The following SRPX2 variants were observed in gnomAD, a reference collection of about 807,000 sequenced individuals.
The protein encoded by SRPX2 is sushi repeat-containing protein SRPX2.
Under a neutral mutation model 45.3 loss-of-function variants are expected in SRPX2, and 26 were observed. The observed-to-expected ratio is 0.57, with a 90% CI of 0.42 to 0.80. SRPX2 has a LOEUF of 0.80. Ranked by LOEUF, SRPX2 falls within the 30% of genes least tolerant of loss-of-function variation. The probability of loss-of-function intolerance (pLI) is 0.00; values close to 1 mark genes in which losing one functional copy is unlikely to be tolerated. For synonymous variants in SRPX2, 125 were observed against 143.7 expected (o/e 0.87, Z 0.93); for missense variants, 355 against 399.8 (o/e 0.89, Z 0.95).
chrX:100,644,460 G>A lies in SRPX2; in HGVS notation c.-186G>A, dbSNP rs973612128. 9.0e-6 allele frequency: 1 copy of A among 111,507 alleles called. No individual in the cohort carries two copies. Among genetic ancestry groups the A allele is most frequent in the African/African-American group, 3.3e-5 (1 of 30,565 alleles). The allele number at this position is 111,507 out of a possible 1,213,427, so 9.2% of individuals were successfully genotyped here. A position where few individuals can be genotyped will look rare whatever the true frequency, so the allele number is the denominator to read the frequency against. On this transcript the variant is annotated 5_prime_UTR_variant, in exon 1 of 11. Coordinates refer to ENST00000373004, the MANE Select transcript of SRPX2 (RefSeq NM_014467.3). Reference sequence around the variant, plus strand: ...TTTTTTCCAATTGATGAGAGGAGCAGAGAGGAAGGAGAAAGAGGAGGAGAG... The same window carrying A: ...TTTTTTCCAATTGATGAGAGGAGCAAAGAGGAAGGAGAAAGAGGAGGAGAG...
intron 3 of SRPX2, among the ~76,000 whole-genome samples, chrX:100,652,839 C>T (rs1452773964): frequency 9.0e-6 from 1 of 111,045 alleles, no homozygotes; most frequent in Admixed American, 9.6e-5. Context: ...TGGTGCATAC[C>T]CACTGCCTCT....
intron 3 of SRPX2, among the ~76,000 whole-genome samples, chrX:100,660,784 C>T (rs1047369631): frequency 9.1e-6 from 1 of 109,348 alleles, no homozygotes; most frequent in South Asian, 4.0e-4. Flanking sequence ...TGGAGGTTGC[C>T]GTGAGCCGAG....
In SRPX2 at chrX:100,665,138, C is replaced by G; in HGVS notation, c.533-105C>G. 4.4e-6 allele frequency: 5 copies of G among 1,144,556 alleles called. No homozygotes were observed. In the East Asian group the frequency reaches 1.6e-4, roughly 36 times the overall value. The allele number at this position is 1,144,556 out of a possible 1,213,427, so 94.3% of individuals were successfully genotyped here. A position where few individuals can be genotyped will look rare whatever the true frequency, so the allele number is the denominator to read the frequency against. The stretch of plus-strand genomic sequence containing the variant: ...TTCCTTCCCCAGTTTCCTTGAGCAC[C>G]TTGAACTTTTTATCTACCCAGTGGT... On this transcript the variant is annotated intron_variant, in intron 5 of 10. Coordinates refer to ENST00000373004, the MANE Select transcript of SRPX2 (RefSeq NM_014467.3).
intron 1 of SRPX2, 45 bp from the exon 2 acceptor site, chrX:100,646,148 A>G (rs762930338): frequency 2.1e-5 from 10 of 470,324 alleles, no homozygotes; most frequent in Non-Finnish European, 2.2e-5. Context: ...GGGAGATAAT[A>G]TAAAAGGCAT....
chrX:100,656,023 C>T (rs778712424), intron 3 of SRPX2, among the ~76,000 whole-genome samples: 1 of 108,780 alleles, frequency 9.2e-6, no homozygotes, highest in Admixed American at 9.8e-5. Flanking sequence ...ACTACGGCAC[C>T]CGGCTAATTT....
chrX:100,662,503 C>A, intron 4 of SRPX2, 136 bp downstream of exon 4: 1 of 711,211 alleles, frequency 1.4e-6, no homozygotes, highest in East Asian at 3.3e-5. Flanking sequence ...CATAAGCCCC[C>A]CAGCAGGGCC....
intron 10 of SRPX2, among the ~76,000 whole-genome samples, 161 bp downstream of exon 10, chrX:100,669,530 G>C (rs2083216373): frequency 9.0e-6 from 1 of 111,264 alleles, no homozygotes; most frequent in Non-Finnish European, 1.9e-5. Context: ...CATTAGGTAA[G>C]ACCAGAGAGT....
intron 3 of SRPX2, among the ~76,000 whole-genome samples, chrX:100,656,623 T>C (rs186948858): frequency 3.6e-4 from 40 of 112,057 alleles, no homozygotes; most frequent in African/African-American, 1.2e-3. Flanking sequence ...TCCAGTTCCA[T>C]CCATGTTGCT....
chrX:100,648,404 C>A (rs946356483), intron 2 of SRPX2, among the ~76,000 whole-genome samples: 2 of 111,671 alleles, frequency 1.8e-5, no homozygotes, highest in South Asian at 7.6e-4. Context: ...CACACAGTAA[C>A]CAAGCACTGA....
At chrX:100,646,520 A>C (rs1358073918) in intron 2 of SRPX2, 116 bp downstream of exon 2, 1 of 716,017 alleles carries the variant, frequency 1.4e-6, no homozygotes, top group Non-Finnish European at 2.2e-6. Flanking sequence ...ACAGAGAAGT[A>C]TTAAAGGACA....
chrX:100,655,035 A>T lies in SRPX2; in HGVS notation c.163+4170A>T, dbSNP rs774421647. ...CTCTCGTCAGCACTTTATTTTCTGC[A>T]TACACCTTAAAAAGAGATAGACAGA... On this transcript the variant is annotated intron_variant, in intron 3 of 10. Transcript: ENST00000373004. 2.6e-3 allele frequency among the ~76,000 whole-genome samples: 288 copies of T among 111,781 alleles called. 1 individual carries two copies. The highest frequency in any genetic ancestry group is 8.4e-3 in the African/African-American group (258 of 30,734).
At position 100,665,381 on chromosome X, in the gene SRPX2, T is replaced by C. The variant is rs2083201253; in HGVS notation, c.659+12T>C. On this transcript the variant is annotated intron_variant, in intron 6 of 10. Transcript: ENST00000373004. The stretch of plus-strand genomic sequence containing the variant: ...GGTACCATCACCAGGTGAGCCTGAA[T>C]AATGGATGCCCCTTATGCCTTCCCT... The C allele has an allele frequency of 8.3e-7, 1 of 1,207,493 alleles. No homozygotes were observed. The highest frequency in any genetic ancestry group is 2.2e-5 in the Admixed American group (1 of 45,650).
chrX:100,650,435 C>G (rs925247364), intron 2 of SRPX2, among the ~76,000 whole-genome samples: 8 of 111,845 alleles, frequency 7.2e-5, no homozygotes, highest in African/African-American at 2.6e-4. Context: ...AGTGTCTTAC[C>G]AAGACTCATG....
In SRPX2 at chrX:100,672,635, A is replaced by T. The variant is rs1054294460; in HGVS notation, c.*1648A>T. On this transcript the variant is annotated 3_prime_UTR_variant, in exon 11 of 11. Transcript: ENST00000373004. ...CAATGTTCTTCTTAGACATTATGCCATCCTGACGCTACTTCTTTTCCTACT... is the reference window on the plus strand; with the variant it reads ...CAATGTTCTTCTTAGACATTATGCCTTCCTGACGCTACTTCTTTTCCTACT... 2.7e-5 allele frequency: 3 copies of T among 112,173 alleles called. No homozygotes were observed. Among genetic ancestry groups the T allele is most frequent in the African/African-American group, 9.7e-5 (3 of 30,843 alleles). 9.2% of individuals were successfully genotyped at this position (112,173 alleles called of 1,213,427 possible).
intron 9 of SRPX2, among the ~76,000 whole-genome samples, chrX:100,667,762 T>C (rs1356431712): frequency 8.9e-6 from 1 of 112,385 alleles, no homozygotes; most frequent in Non-Finnish European, 1.9e-5. Flanking sequence ...CAAACACTTA[T>C]GCAGTAAGTG....
chrX:100,667,425 A>C lies in SRPX2; in HGVS notation c.1095+18A>C. The C allele has an allele frequency of 8.3e-7, 1 of 1,211,098 alleles. No individual in the cohort carries two copies. The highest frequency in any genetic ancestry group is 3.0e-5 in the East Asian group (1 of 33,867). ...TGCTACAGGTAAGGCCCACTCCCCT[A>C]AAGAGGGCTTAGCTCCTGTAAATTA... On this transcript the variant is annotated intron_variant, in intron 9 of 10. Transcript: ENST00000373004.
intron 9 of SRPX2, 81 bp from the exon 10 acceptor site, chrX:100,669,167 T>C: frequency 1.7e-6 from 2 of 1,180,263 alleles, no homozygotes; most frequent in South Asian, 3.6e-5. Flanking sequence ...CTGCTTCATA[T>C]GGTCCCAGGA....
Position 100,671,046 on chromosome X carries a change from G to T in SRPX2, c.*59G>T. 8.9e-7 allele frequency: 1 copy of T among 1,127,063 alleles called. No homozygotes were observed. The highest frequency in any genetic ancestry group is 1.2e-6 in the Non-Finnish European group (1 of 835,679). 92.9% of individuals were successfully genotyped at this position (1,127,063 alleles called of 1,213,427 possible). A position where few individuals can be genotyped will look rare whatever the true frequency, so the allele number is the denominator to read the frequency against. On this transcript the variant is annotated 3_prime_UTR_variant, in exon 11 of 11. Transcript: ENST00000373004. ...AAGCTCCTCTAGTTAGCTGAAACTGGGACCTAATAAAAGGAGGAAATGTTT... is the reference window on the plus strand; with the variant it reads ...AAGCTCCTCTAGTTAGCTGAAACTGTGACCTAATAAAAGGAGGAAATGTTT...
chrX:100,656,496 G>A (rs1196844374), intron 3 of SRPX2, among the ~76,000 whole-genome samples: 2 of 111,179 alleles, frequency 1.8e-5, no homozygotes, highest in African/African-American at 3.3e-5. Flanking sequence ...CCAGTCTCTC[G>A]TATCTATCAT....
Sources: gnomAD v4.1 joint callset for allele counts (sites outside exome capture counted in the v4.1 genomes callset) on GRCh38, gnomAD v4.1.1 for gene constraint, MANE v1.5 for transcripts, NCBI Gene and HGNC (gene_info 2026-07-23, HGNC 2026-07-21) for gene names.